Variants in TTN observed in about 807,000 individuals in gnomAD.
The protein encoded by TTN is connectin.
Under a neutral mutation model 3,223.0 loss-of-function variants are expected in TTN, and 1,525 were observed. That is an observed-to-expected ratio of 0.47 (90% confidence interval 0.45 to 0.49). The LOEUF (loss-of-function observed/expected upper bound fraction) is 0.49. Ranked by LOEUF, TTN falls within the 20% of genes least tolerant of loss-of-function variation. TTN has a pLI of 0.00. For missense variants in TTN, 40,786 were observed against 43,424.0 expected (o/e 0.94, Z 5.40); for synonymous variants, 14,094 against 15,161.0 (o/e 0.93, Z 5.17).
In TTN at chr2:178,673,671, G is replaced by GTACTCCACTTTTT. The variant is rs1183198361; in HGVS notation, c.34747_34748insAAAAAGTGGAGTA (p.Thr11583LysfsTer9). On this transcript the variant is annotated frameshift_variant, in exon 152 of 363. Coordinates refer to ENST00000589042, the MANE Select transcript of TTN (RefSeq NM_001267550.2). LOFTEE classifies it high-confidence loss of function. ...TGCCTCCACTTTTTTAGGAACAGGA[G>GTACTCCACTTTTT]TAGGTGCTTCAGGTACTGCTTTCTT... is the stretch of plus-strand genomic sequence containing the variant. 6.3e-7 allele frequency: 1 copy of GTACTCCACTTTTT among 1,593,478 alleles called. No homozygotes were observed. Among genetic ancestry groups the GTACTCCACTTTTT allele is most frequent in the South Asian group, 1.2e-5 (1 of 85,484 alleles).
In TTN at chr2:178,739,980, C is replaced by T; in HGVS notation, c.13253G>A (p.Trp4418Ter). 1 of 1,613,874 alleles carries T rather than the reference C, an allele frequency of 6.2e-7. No homozygotes were observed. Among genetic ancestry groups the T allele is most frequent in the East Asian group, 2.2e-5 (1 of 44,862 alleles). The part of the protein sequence containing the change: ...ASEQPGLFSE[W>*]LRNIEKVEVE... Reference sequence around the variant, plus strand: ...CTCCACCTTTTCAATATTTCTTAGCCACTCAGAGAAAAGACCTGGCTGCTC... The same window carrying T: ...CTCCACCTTTTCAATATTTCTTAGCTACTCAGAGAAAAGACCTGGCTGCTC... Residue 4418 changes from tryptophan to a stop codon, truncating the protein, a stop_gained, in exon 48 of 363, where the codon TGG (tryptophan) becomes TAG (stop). Coordinates refer to ENST00000589042, the MANE Select transcript of TTN (RefSeq NM_001267550.2). LOFTEE classifies it high-confidence loss of function.
At chr2:178,688,474 C>T (rs1443247355) in intron 126 of TTN, among the ~76,000 whole-genome samples, 1 of 152,206 alleles carries the variant, frequency 6.6e-6, no homozygotes, top group Non-Finnish European at 1.5e-5. Flanking sequence ...GACTCATCCA[C>T]TTCCTTCGAA....
intron 47 of TTN, chr2:178,744,437 A>C: frequency 1.1e-6 from 1 of 944,830 alleles, no homozygotes; most frequent in Non-Finnish European, 1.3e-6. Context: ...ATATGAGAAG[A>C]CTTGGGTCCA....
rs1276489578 is a variant in TTN, at chr2:178,731,395, C to T, written c.17371G>A (p.Gly5791Ser). ...ENNVASLYLS[G>S]IEVKHDGKYV... Reference sequence around the variant, plus strand: ...TTCCCATCATGCTTGACTTCAATGCCACTGAGGTACAAACTGGCCACATTG... The same window carrying T: ...TTCCCATCATGCTTGACTTCAATGCTACTGAGGTACAAACTGGCCACATTG... Residue 5791 changes from glycine to serine, a missense_variant, in exon 59 of 363, where the codon GGC becomes AGC. Transcript: ENST00000589042. 2 of 1,613,808 alleles carry T rather than the reference C, an allele frequency of 1.2e-6. No individual in the cohort carries two copies. The highest frequency in any genetic ancestry group is 1.7e-6 in the Non-Finnish European group (2 of 1,179,792).
At chr2:178,748,728 C>G in intron 47 of TTN, 1 of 1,612,630 alleles carries the variant, frequency 6.2e-7, no homozygotes, top group East Asian at 2.2e-5. Context: ...GCAGGTTTAT[C>G]TATAAGACTT....
Position 178,764,288 on chromosome 2 carries a change from A to T in TTN, c.10003T>A (p.Ser3335Thr), listed in dbSNP as rs1295621576. Residue 3335 changes from serine to threonine, a missense_variant, in exon 43 of 363, where the codon TCT (serine) becomes ACT (threonine). Ser to Thr is a moderately conservative substitution (Grantham distance 58, BLOSUM62 1). Transcript: ENST00000589042. ...TAAACAGGCATTTCCTGATCAGGAG[A>T]CACAACTTCTGGAACTAAAGAAAGA... ...SLSVEVPEVV[S>T]PDQEMPVYPP... 6.2e-7 allele frequency: 1 copy of T among 1,614,036 alleles called. No homozygotes were observed. Among genetic ancestry groups the T allele is most frequent in the Non-Finnish European group, 8.5e-7 (1 of 1,179,992 alleles).
At chr2:178,687,740 C>A (rs946431650) in intron 127 of TTN, among the ~76,000 whole-genome samples, 1 of 152,136 alleles carries the variant, frequency 6.6e-6, no homozygotes, top group African/African-American at 2.4e-5. Flanking sequence ...TTGAGAAACA[C>A]CAATTAGGCA....
chr2:178,593,980 G>T lies in TTN; in HGVS notation c.58413C>A (p.Phe19471Leu), dbSNP rs867902753. The T allele has an allele frequency of 6.2e-7, 1 of 1,613,320 alleles. No individual in the cohort carries two copies. The highest frequency in any genetic ancestry group is 1.3e-5 in the African/African-American group (1 of 74,886). Residue 19471 changes from phenylalanine (F) to leucine (L), a missense_variant, in exon 297 of 363, where the codon TTC becomes TTA. By Grantham distance (22) the Phe-to-Leu change is conservative. Transcript: ENST00000589042. ...VENSTGSRKG[F>L]CQVNVVDRPG... ...ACTTACCAACAACATTAACTTGACAGAAACCTTTCCTAGAGCCTGTACTGT... is the reference window on the plus strand; with the variant it reads ...ACTTACCAACAACATTAACTTGACATAAACCTTTCCTAGAGCCTGTACTGT...
Position 178,551,900 on chromosome 2 carries a change from A to C in TTN, c.91000T>G (p.Tyr30334Asp). 2 of 1,613,860 alleles carry C rather than the reference A, an allele frequency of 1.2e-6. No homozygotes were observed. Among genetic ancestry groups the C allele is most frequent in the African/African-American group, 2.7e-5 (2 of 75,040 alleles). ...GACATGCCATCAGAAGTCACATTGT[A>C]TATAACTGGCTTTCCTGGGGGACCA... The part of the protein sequence containing the change: ...IPGPPGKPVI[Y>D]NVTSDGMSLT... The change falls in exon 335 of 363, where the codon TAC becomes GAC. Residue 30334 changes from tyrosine (Y) to aspartate (D), a missense_variant. Physicochemically the swap from Tyr to Asp is radical, Grantham distance 160 (BLOSUM62 -3). Coordinates refer to ENST00000589042, the MANE Select transcript of TTN (RefSeq NM_001267550.2).
rs1186507360 is a variant in TTN at position 178,576,720 on chromosome 2, T to C, written c.69524A>G (p.His23175Arg). The change falls in exon 325 of 363, where the codon CAT becomes CGT. Residue 23175 changes from histidine (H) to arginine (R), a missense_variant. His to Arg is a conservative substitution (Grantham distance 29, BLOSUM62 0). Transcript: ENST00000589042. This position sits in a 1 kb window ranked among gnomAD's most constrained non-coding sequence, Gnocchi z 4.3. The part of the protein sequence containing the change: ...DDGGSEITGY[H>R]VERREKKSLR... Reference sequence around the variant, plus strand: ...GCTTTTCTTTTCTCTCCTTTCTACATGATATCCTGTAATTTCGCTGCCACC... The same window carrying C: ...GCTTTTCTTTTCTCTCCTTTCTACACGATATCCTGTAATTTCGCTGCCACC... The C allele has an allele frequency of 1.2e-6, 2 of 1,613,348 alleles. No individual in the cohort carries two copies. Among genetic ancestry groups the C allele is most frequent in the African/African-American group, 1.3e-5 (1 of 74,972 alleles).
At chr2:178,683,842 C>A (rs2070081088) in intron 133 of TTN, among the ~76,000 whole-genome samples, 157 bp downstream of exon 133, 1 of 151,610 alleles carries the variant, frequency 6.6e-6, no homozygotes. Context: ...TTTCTGTTAT[C>A]AAAAATGTTT....
chr2:178,793,920 T>C (rs2154355658), intron 8 of TTN, among the ~76,000 whole-genome samples: 1 of 152,312 alleles, frequency 6.6e-6, no homozygotes, highest in South Asian at 2.1e-4. Flanking sequence ...AAATGCGAGG[T>C]GGGACATTAT....
At chr2:178,676,713 A>G (rs996758951) in intron 147 of TTN, among the ~76,000 whole-genome samples, 2 of 151,892 alleles carry the variant, frequency 1.3e-5, no homozygotes, top group African/African-American at 4.8e-5. Context: ...CGCTAAAATC[A>G]AAACCTGTTG....
Position 178,575,844 on chromosome 2 carries a change from C to T in TTN, c.70288G>A (p.Val23430Ile), listed in dbSNP as rs549709481. Reference sequence around the variant, plus strand: ...GGGCCTGGCGTGTCCAAGACTCTGACGTTCACAAAGCCACTTTTCTTCCCA... The same window carrying T: ...GGGCCTGGCGTGTCCAAGACTCTGATGTTCACAAAGCCACTTTTCTTCCCA... ...PAGKKSGFVN[V>I]RVLDTPGPVL... The change falls in exon 326 of 363, where the codon GTC becomes ATC. Residue 23430 changes from valine (V) to isoleucine (I), a missense_variant. Physicochemically the swap from Val to Ile is conservative, Grantham distance 29 (BLOSUM62 3). Transcript: ENST00000589042. This position sits in a 1 kb window ranked among gnomAD's most constrained non-coding sequence, Gnocchi z 4.0. The T allele has an allele frequency of 4.7e-5, 76 of 1,613,540 alleles. No homozygotes were observed. Among genetic ancestry groups the T allele is most frequent in the South Asian group, 3.7e-4 (34 of 91,058 alleles).
At position 178,533,828 on chromosome 2, in the gene TTN, G is replaced by A. The variant is rs1690264477; in HGVS notation, c.102787C>T (p.Pro34263Ser). Reference protein sequence around the residue: ...LLERPPEFTLPLYNKTAYVGE... With the variant: ...LLERPPEFTLSLYNKTAYVGE... ...ACATAAGCTGTCTTATTATAGAGAGGCAGGGTAAATTCTGGTGGCCTTTCC... is the reference window on the plus strand; with the variant it reads ...ACATAAGCTGTCTTATTATAGAGAGACAGGGTAAATTCTGGTGGCCTTTCC... Residue 34263 changes from proline to serine, a missense_variant, in exon 358 of 363, where the codon CCT becomes TCT. By Grantham distance (74) the Pro-to-Ser change is moderately conservative (BLOSUM62 -1). Coordinates refer to ENST00000589042, the MANE Select transcript of TTN (RefSeq NM_001267550.2). 4 of 1,613,808 alleles carry A rather than the reference G, an allele frequency of 2.5e-6. No individual in the cohort carries two copies. The highest frequency in any genetic ancestry group is 2.5e-6 in the Non-Finnish European group (3 of 1,179,854).
In TTN at chr2:178,740,922, C is replaced by T; in HGVS notation, c.12311G>A (p.Ser4104Asn). The T allele has an allele frequency of 1.2e-6, 2 of 1,613,900 alleles. No homozygotes were observed. The highest frequency in any genetic ancestry group is 1.7e-5 in the Admixed American group (1 of 60,002). Residue 4104 changes from serine (S) to asparagine (N), a missense_variant, in exon 48 of 363, where the codon AGC becomes AAC. Physicochemically the swap from Ser to Asn is conservative, Grantham distance 46. Transcript: ENST00000589042. Reference sequence around the variant, plus strand: ...CTGAGCTCCCAAAGGAAGCTGACTGCTCAATTCATTGGCTTTAGCAATATG... The same window carrying T: ...CTGAGCTCCCAAAGGAAGCTGACTGTTCAATTCATTGGCTTTAGCAATATG... ...YEHIAKANEL[S>N]SQLPLGAQEL...
chr2:178,546,360 A>C lies in TTN; in HGVS notation c.94971T>G (p.Asp31657Glu). 8 of 1,613,724 alleles carry C rather than the reference A, an allele frequency of 5.0e-6. No homozygotes were observed. Among genetic ancestry groups the C allele is most frequent in the Non-Finnish European group, 4.2e-6 (5 of 1,179,740 alleles). Residue 31657 changes from aspartate to glutamate, a missense_variant, in exon 342 of 363, where the codon GAT (aspartate) becomes GAG (glutamate). By Grantham distance (45) the Asp-to-Glu change is conservative. Transcript: ENST00000589042. ...IIWTKGDKEL[D>E]LCEKVSLQYT... is the part of the protein sequence containing the mutation. ...ACTGCAAAGAGACTTTTTCACAGAG[A>C]TCTAGCTCCTTGTCTCCTTTGGTCC...
rs1696056657 is a variant in TTN at position 178,544,397 on chromosome 2, A to G, written c.95832T>C (p.Tyr31944=). The G allele has an allele frequency of 6.2e-7, 1 of 1,613,692 alleles. No homozygotes were observed. Among genetic ancestry groups the G allele is most frequent in the South Asian group, 1.1e-5 (1 of 91,070 alleles). Residue 31944 remains tyrosine, a synonymous_variant, in exon 345 of 363, where the codon TAT becomes TAC. Coordinates refer to ENST00000589042, the MANE Select transcript of TTN (RefSeq NM_001267550.2). ...TGTCCTTCTCTTGCATTTCCAGAAC[A>G]TATCCTACAATGTCAGTACCACCAT... The part of the protein sequence containing the change: ...MYDGGTDIVG[Y]VLEMQEKDTD...
chr2:178,561,243 C>T lies in TTN; in HGVS notation c.84889G>A (p.Gly28297Ser), dbSNP rs780963952. ...YIVERRELPDGRWLKCNYTNI... is the reference protein window; with the variant it reads ...YIVERRELPDSRWLKCNYTNI... ...GTATAATTGCACTTCAGCCACCGGCCATCTGGTAGTTCTCTGCGTTCAACA... is the reference window on the plus strand; with the variant it reads ...GTATAATTGCACTTCAGCCACCGGCTATCTGGTAGTTCTCTGCGTTCAACA... Residue 28297 changes from glycine (G) to serine (S), a missense_variant, in exon 326 of 363, where the codon GGC (glycine) becomes AGC (serine). Coordinates refer to ENST00000589042, the MANE Select transcript of TTN (RefSeq NM_001267550.2). The T allele has an allele frequency of 1.2e-6, 2 of 1,613,746 alleles. No individual in the cohort carries two copies. The highest frequency in any genetic ancestry group is 1.7e-6 in the Non-Finnish European group (2 of 1,179,812).
Sources: allele counts gnomAD v4.1 joint callset (sites outside exome capture counted in the v4.1 genomes callset), GRCh38; gene constraint gnomAD v4.1.1; non-coding constraint Gnocchi (gnomAD v3.1); transcripts MANE v1.5; gene names NCBI Gene and HGNC (gene_info 2026-07-23, HGNC 2026-07-21).